Variants in TAOK3 observed in about 807,000 individuals in gnomAD.
TAOK3 encodes the protein TAO kinase 3.
Under a neutral mutation model 120.4 loss-of-function variants are expected in TAOK3, and 40 were observed. That is an observed-to-expected ratio of 0.33 (90% confidence interval 0.26 to 0.43). The LOEUF (loss-of-function observed/expected upper bound fraction) is 0.43, where lower values mean the gene tolerates loss of function less well. Among genes scored for constraint, TAOK3 ranks in the 20% least tolerant of loss-of-function variants. The pLI, the probability that TAOK3 is intolerant of heterozygous loss-of-function variation, is 1.00. For missense variants in TAOK3, 821 were observed against 1,112.1 expected, an observed-to-expected ratio of 0.74 and a Z score of 3.72; for synonymous variants, 355 against 387.5, an observed-to-expected ratio of 0.92 and a Z score of 0.99.
chr12:118,245,979 A>T (rs1047748744), intron 3 of TAOK3: 2 of 558,560 alleles, frequency 3.6e-6, no homozygotes, highest in Non-Finnish European at 3.1e-6. Context: ...TTTTGGTCAA[A>T]AACAAGCTAT....
chr12:118,209,005 C>T (rs751941018), intron 11 of TAOK3, among the ~76,000 whole-genome samples: 14 of 152,082 alleles, frequency 9.2e-5, no homozygotes, highest in Non-Finnish European at 1.6e-4. Context: ...CCACCGTGCC[C>T]GGCCAGAATT....
chr12:118,218,094 T>C (rs2039029233), intron 9 of TAOK3, among the ~76,000 whole-genome samples: 5 of 151,502 alleles, frequency 3.3e-5, no homozygotes, highest in Admixed American at 3.3e-4. Context: ...TTTCCTGACC[T>C]TGTGATCCGT....
At chr12:118,247,754 A>G (rs1207333184) in intron 3 of TAOK3, among the ~76,000 whole-genome samples, 2 of 152,158 alleles carry the variant, frequency 1.3e-5, no homozygotes, top group African/African-American at 4.8e-5. Context: ...GCCTCAAGTA[A>G]TCCGCCCGCA....
intron 1 of TAOK3, among the ~76,000 whole-genome samples, chr12:118,284,461 G>GTTA (rs1444826867): frequency 1.3e-5 from 2 of 152,156 alleles, no homozygotes; most frequent in African/African-American, 4.8e-5. Context: ...AGACATGGGA[G>GTTA]TTATTAGCTC....
At chr12:118,209,087 A>G (rs568644313) in intron 11 of TAOK3, among the ~76,000 whole-genome samples, 1 of 152,336 alleles carries the variant, frequency 6.6e-6, no homozygotes, top group African/African-American at 2.4e-5. Flanking sequence ...CACAGTTTGT[A>G]ATAGCAAAAG....
chr12:118,156,971 C>T (rs2034875122), intron 19 of TAOK3, among the ~76,000 whole-genome samples: 1 of 152,112 alleles, frequency 6.6e-6, no homozygotes, highest in South Asian at 2.1e-4. Context: ...AACTCCTGAC[C>T]TCAGGTGATC....
chr12:118,194,612 CTT>C (rs58866768), intron 13 of TAOK3, among the ~76,000 whole-genome samples: 14,774 of 97,920 alleles, frequency 0.15, 683 homozygotes, highest in Middle Eastern at 0.21. Flanking sequence ...AAGGACATTT[CTT>C]TTTTTTTTTT....
chr12:118,200,296 C>T (rs995915457), intron 12 of TAOK3: 52 of 152,216 alleles, frequency 3.4e-4, no homozygotes, highest in African/African-American at 1.0e-3. Flanking sequence ...GTTATGTCTA[C>T]GTTCTGAAAT....
chr12:118,283,570 A>C (rs1194171508), intron 1 of TAOK3: 1 of 153,772 alleles, frequency 6.5e-6, no homozygotes, highest in African/African-American at 2.4e-5. Context: ...TCTCTCCTAA[A>C]AATACAAAAA....
In TAOK3 at chr12:118,371,640, G is replaced by T. The variant is rs1336273837; in HGVS notation, c.-194+1008C>A. On this transcript the variant is annotated intron_variant, in intron 1 of 20. Transcript: ENST00000392533. The surrounding 1 kb of genome is among the most constrained non-coding windows in gnomAD (Gnocchi z 5.5). ...TCTGCGCTGCAGCCGGTTCCTATTT[G>T]CCCGACGCCGCGACTGCGACCCAGG... Among the ~76,000 whole-genome samples the T allele has an allele frequency of 6.6e-6, 1 of 152,038 alleles. No individual in the cohort carries two copies. Among genetic ancestry groups the T allele is most frequent in the Non-Finnish European group, 1.5e-5 (1 of 67,972 alleles).
At chr12:118,364,108 C>T (rs2045681288) in intron 1 of TAOK3, among the ~76,000 whole-genome samples, 1 of 152,006 alleles carries the variant, frequency 6.6e-6, no homozygotes, top group Non-Finnish European at 1.5e-5. Context: ...TGCACTCCAG[C>T]CTGGGCAACA....
chr12:118,350,637 T>A (rs1009246291), intron 1 of TAOK3, among the ~76,000 whole-genome samples: 44 of 151,890 alleles, frequency 2.9e-4, no homozygotes, highest in African/African-American at 1.0e-3. Context: ...GGCAGGTGGA[T>A]CACCTTAGGT....
At chr12:118,322,723 T>C (rs1423622160) in intron 1 of TAOK3, among the ~76,000 whole-genome samples, 5 of 125,350 alleles carry the variant, frequency 4.0e-5, no homozygotes, top group Non-Finnish European at 6.3e-5. Flanking sequence ...AAAACCTTTT[T>C]TTTTTTTTTT....
rs899581735 is a variant in TAOK3 at position 118,311,165 on chromosome 12, A to C, written c.-193-44406T>G. The stretch of plus-strand genomic sequence containing the variant: ...TCTCAGTAAAAATAAAGGCACAAAG[A>C]ATTCACAAATAGGGGCCGGGCATGG... On this transcript the variant is annotated intron_variant, in intron 1 of 20. Coordinates refer to ENST00000392533, the MANE Select transcript of TAOK3 (RefSeq NM_016281.4). Among the ~76,000 whole-genome samples, 3 of 152,314 alleles carry C rather than the reference A, an allele frequency of 2.0e-5. No individual in the cohort carries two copies. The East Asian group carries it at 5.8e-4, about 29-fold the overall frequency.
chr12:118,191,682 G>A (rs890085845), intron 13 of TAOK3, among the ~76,000 whole-genome samples: 17 of 152,162 alleles, frequency 1.1e-4, no homozygotes, highest in African/African-American at 3.9e-4. Context: ...AGGGAAGAGC[G>A]AGAACGTGTG....
At chr12:118,289,515 T>TA (rs1237025955) in intron 1 of TAOK3, among the ~76,000 whole-genome samples, 1 of 152,100 alleles carries the variant, frequency 6.6e-6, no homozygotes, top group African/African-American at 2.4e-5. Flanking sequence ...TTCTTAAGTA[T>TA]AAAATCTTGA....
At chr12:118,331,645 CAAAAAAAAAA>C (rs57291591) in intron 1 of TAOK3, among the ~76,000 whole-genome samples, 1 of 48,006 alleles carries the variant, frequency 2.1e-5, no homozygotes, top group African/African-American at 6.0e-5. Flanking sequence ...ACTCTTATCT[CAAAAAAAAAA>C]AAAAAAAAAA....
chr12:118,338,639 A>G (rs2141094320), intron 1 of TAOK3, among the ~76,000 whole-genome samples: 1 of 152,092 alleles, frequency 6.6e-6, no homozygotes, highest in Admixed American at 6.5e-5. Flanking sequence ...TACAAAAATT[A>G]GCCAGGCGTG....
Position 118,199,083 on chromosome 12 carries a change from T to G in TAOK3, c.1162A>C (p.Ile388Leu), listed in dbSNP as rs1178825984. Residue 388 changes from isoleucine to leucine, a missense_variant, in exon 13 of 21, where the codon ATC becomes CTC. By Grantham distance (5) the Ile-to-Leu change is conservative (BLOSUM62 2). This residue lies in a region of TAOK3 where 467 missense variants were observed against 540.0 expected (regional missense o/e 0.86). Transcript: ENST00000392533. ...TGCACGACGGAGGAGCTGGAATTGA[T>G]TGTGCTTTCGTCATCGTGCATCATG... ...LVMMHDDEST[I>L]NSSSSVVHKK... is the part of the protein sequence containing the mutation. The G allele has an allele frequency of 6.2e-7, 1 of 1,614,182 alleles. No homozygotes were observed. The highest frequency in any genetic ancestry group is 8.5e-7 in the Non-Finnish European group (1 of 1,180,028).
Sources: gnomAD v4.1 joint callset for allele counts (sites outside exome capture counted in the v4.1 genomes callset) on GRCh38, gnomAD v4.1.1 for gene constraint, gnomAD v4.1.1 regional missense constraint, Gnocchi (gnomAD v3.1) non-coding constraint, MANE v1.5 for transcripts, NCBI Gene and HGNC (gene_info 2026-07-23, HGNC 2026-07-21) for gene names.